Variants in PKIB observed in about 807,000 individuals in gnomAD.
PKIB encodes cAMP-dependent protein kinase inhibitor beta.
PKIB carries 2 observed loss-of-function variants against 4.5 expected under a neutral mutation model. The ratio of observed to expected loss-of-function variants is 0.44; its 90% confidence interval spans 0.18 to 1.39. The LOEUF is 1.39. PKIB is among the 40% of genes most tolerant of loss of function. The pLI is 0.27. For synonymous variants in PKIB, 38 were observed against 36.0 expected, an observed-to-expected ratio of 1.06 and a Z score of -0.20; for missense variants, 94 against 92.6, an observed-to-expected ratio of 1.02 and a Z score of -0.06.
intron 2 of PKIB, among the ~76,000 whole-genome samples, chr6:122,507,461 C>T (rs867586868): frequency 7.9e-5 from 12 of 151,904 alleles, no homozygotes; most frequent in South Asian, 2.1e-4. Context: ...TAGTAATTAC[C>T]GTATTATAGT....
intron 2 of PKIB, among the ~76,000 whole-genome samples, chr6:122,492,866 C>G (rs1185375668): frequency 1.3e-5 from 2 of 150,594 alleles, no homozygotes; most frequent in African/African-American, 4.9e-5. Context: ...TTTCCATTTT[C>G]CACAAAGGCA....
chr6:122,639,323 A>G (rs113517854), intron 2 of PKIB, among the ~76,000 whole-genome samples: 1 of 152,374 alleles, frequency 6.6e-6, no homozygotes, highest in African/African-American at 2.4e-5. Flanking sequence ...TAAAGGGAAT[A>G]TATACAAAGA....
intron 2 of PKIB, among the ~76,000 whole-genome samples, chr6:122,543,910 C>T (rs999778567): frequency 6.6e-5 from 10 of 151,972 alleles, no homozygotes; most frequent in African/African-American, 2.4e-4. Context: ...TTACAGGCCT[C>T]TGAAAATGAT....
chr6:122,642,057 A>G (rs1169964455), intron 2 of PKIB, among the ~76,000 whole-genome samples: 1 of 152,214 alleles, frequency 6.6e-6, no homozygotes, highest in Non-Finnish European at 1.5e-5. Flanking sequence ...GATTGATTAT[A>G]TAACAAGAGA....
At position 122,584,422 on chromosome 6, in the gene PKIB, G is replaced by T. The variant is rs571639259; in HGVS notation, c.-247-1499G>T. ...AAGCCATAAATAGAATTTCAATGAG[G>T]TGTTTTGATTTGTGTGAATGAATTC... On this transcript the variant is annotated intron_variant, in intron 2 of 6. Transcript: ENST00000392491. Among the ~76,000 whole-genome samples, 2 of 152,182 alleles carry T rather than the reference G, an allele frequency of 1.3e-5. 1 individual carries two copies. Among genetic ancestry groups the T allele is most frequent in the South Asian group, 4.2e-4 (2 of 4,818 alleles).
chr6:122,622,148 A>G (rs1193422139), intron 1 of PKIB, among the ~76,000 whole-genome samples: 1 of 152,170 alleles, frequency 6.6e-6, no homozygotes, highest in Non-Finnish European at 1.5e-5. Context: ...GTGTTAAAAT[A>G]TTTTAGGAAT....
chr6:122,666,216 C>G (rs1777215073), intron 2 of PKIB, among the ~76,000 whole-genome samples: 1 of 152,158 alleles, frequency 6.6e-6, no homozygotes, highest in Admixed American at 6.5e-5. Context: ...GTGCACTCAC[C>G]ATCGACACTG....
intron 3 of PKIB, among the ~76,000 whole-genome samples, chr6:122,679,405 A>G (rs766841010): frequency 6.6e-6 from 1 of 152,144 alleles, no homozygotes; most frequent in Non-Finnish European, 1.5e-5. Context: ...TCCTGATGTA[A>G]GGGGATGGCT....
In PKIB at chr6:122,715,595, G is replaced by GTA. The variant is rs572486613; in HGVS notation, c.-8-2180_-8-2179dup. ...AGGGAACCAATTATGTGCATCAGTT[G>GTA]TATATATATATATGAAGAGAGAGAG... On this transcript the variant is annotated intron_variant, in intron 3 of 4. Transcript: ENST00000368452. 8.5e-3 allele frequency among the ~76,000 whole-genome samples: 1,271 copies of GTA among 148,754 alleles called. 10 individuals are homozygous for GTA. Among genetic ancestry groups the GTA allele is most frequent in the South Asian group, 0.016 (74 of 4,716 alleles).
chr6:122,620,881 A>T (rs977810918), intron 1 of PKIB, among the ~76,000 whole-genome samples: 1 of 152,146 alleles, frequency 6.6e-6, no homozygotes, highest in African/African-American at 2.4e-5. Context: ...TGCAGCAAAG[A>T]TTTCTGCATA....
intron 2 of PKIB, among the ~76,000 whole-genome samples, chr6:122,523,840 G>A (rs1448320584): frequency 6.6e-6 from 1 of 151,596 alleles, no homozygotes; most frequent in Non-Finnish European, 1.5e-5. Context: ...CGCCATGTAA[G>A]ATGTGCCTTT....
Position 122,526,130 on chromosome 6 carries a change from A to G in PKIB, c.-248+48191A>G, listed in dbSNP as rs145016244. The stretch of plus-strand genomic sequence containing the variant: ...CAAGTTTGATAATGAAATTTTAGCA[A>G]TTCTGCCACCTCTTTTGATTCCACT... On this transcript the variant is annotated intron_variant, in intron 2 of 6. Transcript: ENST00000392491. Among the ~76,000 whole-genome samples, 5 of 152,286 alleles carry G rather than the reference A, an allele frequency of 3.3e-5. No homozygotes were observed. The East Asian group carries it at 9.6e-4, about 29-fold the overall frequency.
At chr6:122,711,659 C>A (rs540172701) in intron 3 of PKIB, among the ~76,000 whole-genome samples, 4 of 152,116 alleles carry the variant, frequency 2.6e-5, no homozygotes, top group Non-Finnish European at 5.9e-5. Flanking sequence ...TAGTTTATTG[C>A]AGTCCATCTT....
chr6:122,541,005 C>T (rs1777578454), intron 2 of PKIB, among the ~76,000 whole-genome samples: 1 of 151,076 alleles, frequency 6.6e-6, no homozygotes, highest in African/African-American at 2.4e-5. Flanking sequence ...GATTGCAACC[C>T]CTGCCTTTTT....
chr6:122,493,519 T>C (rs1009089838), intron 2 of PKIB: 3 of 152,226 alleles, frequency 2.0e-5, no homozygotes, highest in African/African-American at 7.2e-5. Flanking sequence ...TTCCTCAATT[T>C]CTTCATGTTT....
intron 2 of PKIB, among the ~76,000 whole-genome samples, chr6:122,526,488 G>A (rs753510430): frequency 2.0e-5 from 3 of 152,094 alleles, no homozygotes; most frequent in Non-Finnish European, 4.4e-5. Flanking sequence ...TGGATGTTGT[G>A]TTAGTAGGCA....
chr6:122,596,094 C>T (rs1318986497), intron 3 of PKIB, among the ~76,000 whole-genome samples: 1 of 152,204 alleles, frequency 6.6e-6, no homozygotes, highest in Non-Finnish European at 1.5e-5. Context: ...TATAAACACA[C>T]ATCTGGCCAT....
At chr6:122,577,371 C>A (rs1257397571) in intron 2 of PKIB, among the ~76,000 whole-genome samples, 1 of 152,042 alleles carries the variant, frequency 6.6e-6, no homozygotes, top group Non-Finnish European at 1.5e-5. Flanking sequence ...AATTTGGATT[C>A]ATTTTGTTTG....
At chr6:122,678,479 C>CT (rs986775769) in intron 3 of PKIB, among the ~76,000 whole-genome samples, 3 of 151,832 alleles carry the variant, frequency 2.0e-5, no homozygotes, top group Admixed American at 6.6e-5. Flanking sequence ...TAGTTTGTTT[C>CT]TTTTTTTTAA....
Sources: allele counts gnomAD v4.1 joint callset (sites outside exome capture counted in the v4.1 genomes callset), GRCh38; gene constraint gnomAD v4.1.1; transcripts MANE v1.5; gene names NCBI Gene and HGNC (gene_info 2026-07-23, HGNC 2026-07-21).